DMXL1: variants seen among roughly 807,000 people sequenced by gnomAD.
DMXL1 encodes dmX-like protein 1.
Under a neutral mutation model 319.2 loss-of-function variants are expected in DMXL1, and 99 were observed. That is an observed-to-expected ratio of 0.31 (90% confidence interval 0.26 to 0.37). The LOEUF (loss-of-function observed/expected upper bound fraction) is 0.37, where lower values mean the gene tolerates loss of function less well. Ranked by LOEUF, DMXL1 falls within the 10% of genes least tolerant of loss-of-function variation. The probability of loss-of-function intolerance (pLI) is 1.00; values close to 1 mark genes in which losing one functional copy is unlikely to be tolerated. For missense variants in DMXL1, 3,745 were observed against 3,595.6 expected, an observed-to-expected ratio of 1.04 and a Z score of -1.06; for synonymous variants, 1,385 against 1,235.2, an observed-to-expected ratio of 1.12 and a Z score of -2.54.
intron 19 of DMXL1, among the ~76,000 whole-genome samples, chr5:119,164,096 GT>G (rs746909307): frequency 4.2e-4 from 61 of 146,144 alleles, no homozygotes; most frequent in Middle Eastern, 3.5e-3. Flanking sequence ...CTTGCTTGAT[GT>G]TTTTTTTTTT....
chr5:119,144,463 T>G, intron 14 of DMXL1, 73 bp from the exon 15 acceptor site: 1 of 1,090,432 alleles, frequency 9.2e-7, no homozygotes, highest in Non-Finnish European at 1.4e-6. Context: ...TTATGAAGTA[T>G]TATTTTTCTG....
chr5:119,197,941 C>G lies in DMXL1; in HGVS notation c.7730C>G (p.Thr2577Arg), dbSNP rs1274593013. The G allele has an allele frequency of 6.2e-7, 1 of 1,614,148 alleles. No homozygotes were observed. Among genetic ancestry groups the G allele is most frequent in the Admixed American group, 1.7e-5 (1 of 60,010 alleles). The stretch of plus-strand genomic sequence containing the variant: ...CGCCACAAAGCTTTACTGGAACCTA[C>G]AAACACTCCTTTCAAGTAGGTTTTC... ...ILRHKALLEP[T>R]NTPFKSKHHL... The change falls in exon 32 of 44, where the codon ACA (threonine) becomes AGA (arginine). Residue 2577 changes from threonine (T) to arginine (R), a missense_variant. Transcript: ENST00000539542.
At chr5:119,113,466 C>T (rs557546073) in intron 5 of DMXL1, among the ~76,000 whole-genome samples, 9 of 152,310 alleles carry the variant, frequency 5.9e-5, no homozygotes, top group African/African-American at 2.2e-4. Context: ...TGGTCTCGAA[C>T]TCCTGACCTT....
intron 13 of DMXL1, among the ~76,000 whole-genome samples, chr5:119,142,177 G>C (rs139732701): frequency 4.6e-5 from 7 of 152,128 alleles, no homozygotes; most frequent in African/African-American, 1.7e-4. Flanking sequence ...CAATCTAGGC[G>C]ATACCATTCT....
intron 9 of DMXL1, among the ~76,000 whole-genome samples, chr5:119,125,841 G>A (rs1215574887): frequency 1.3e-5 from 2 of 152,148 alleles, no homozygotes; most frequent in African/African-American, 4.8e-5. Flanking sequence ...TGGGAATACA[G>A]GCGTGAGCCA....
intron 13 of DMXL1, 69 bp from the exon 14 acceptor site, chr5:119,143,772 A>G: frequency 9.5e-7 from 1 of 1,053,424 alleles, no homozygotes; most frequent in Non-Finnish European, 1.4e-6. Context: ...TTATGCTTGA[A>G]ATTTTGTTAT....
rs970834804 is a variant in DMXL1, at chr5:119,248,820, G to A, written c.*1601G>A. 5.9e-5 allele frequency: 9 copies of A among 152,368 alleles called. No individual in the cohort carries two copies. Among genetic ancestry groups the A allele is most frequent in the Non-Finnish European group, 1.0e-4 (7 of 67,914 alleles). 9.4% of individuals were successfully genotyped at this position (152,368 alleles called of 1,614,324 possible). Reference sequence around the variant, plus strand: ...ACATAATAACCTGTACCTATAAATCGTGCAATAACCATATGCGACTATTTT... The same window carrying A: ...ACATAATAACCTGTACCTATAAATCATGCAATAACCATATGCGACTATTTT... On this transcript the variant is annotated 3_prime_UTR_variant, in exon 44 of 44. Transcript: ENST00000539542.
In DMXL1 at chr5:119,121,904, C is replaced by T. The variant is rs1165497695; in HGVS notation, c.1102+765C>T. ...CTCCTGGACGGGGCGGCTGGCCGGG[C>T]GGGGGGCTGACCCCCCCCACCTCCC... On this transcript the variant is annotated intron_variant, in intron 9 of 43. Coordinates refer to ENST00000539542, the MANE Select transcript of DMXL1 (RefSeq NM_001290321.3). Among the ~76,000 whole-genome samples, 87 of 141,716 alleles carry T rather than the reference C, an allele frequency of 6.1e-4. 2 individuals are homozygous for T. In the East Asian group the frequency reaches 0.017, roughly 27 times the overall value. 93.0% of individuals were successfully genotyped at this position (141,716 alleles called of 152,430 possible).
At chr5:119,160,743 A>T (rs1772097368) in intron 19 of DMXL1, among the ~76,000 whole-genome samples, 1 of 152,124 alleles carries the variant, frequency 6.6e-6, no homozygotes. Context: ...CTCTGGATGA[A>T]TTGACCCCTT....
chr5:119,182,019 A>G (rs989359151), intron 28 of DMXL1, among the ~76,000 whole-genome samples: 11 of 152,152 alleles, frequency 7.2e-5, no homozygotes, highest in African/African-American at 2.7e-4. Flanking sequence ...TTTTTAAGGC[A>G]TTATTATGTT....
rs1315203316 is a variant in DMXL1 at position 119,134,104 on chromosome 5, G to A, written c.2180G>A (p.Arg727Gln). 3.1e-6 allele frequency: 5 copies of A among 1,613,868 alleles called. No individual in the cohort carries two copies. The African/African-American group carries it at 4.0e-5, about 13-fold the overall frequency. The change falls in exon 12 of 44, where the codon CGG becomes CAG. Residue 727 changes from arginine (R) to glutamine (Q), a missense_variant. By Grantham distance (43) the Arg-to-Gln change is conservative. Coordinates refer to ENST00000539542, the MANE Select transcript of DMXL1 (RefSeq NM_001290321.3). ...SFSGGVSELA[R>Q]INSLHVSAFS... ...TCTGGAGGAGTTTCTGAGCTTGCCCGGATTAATTCTCTTCATGTTTCTGCC... is the reference window on the plus strand; with the variant it reads ...TCTGGAGGAGTTTCTGAGCTTGCCCAGATTAATTCTCTTCATGTTTCTGCC...
chr5:119,174,037 C>T (rs894969162), intron 25 of DMXL1, among the ~76,000 whole-genome samples: 2 of 151,792 alleles, frequency 1.3e-5, no homozygotes, highest in Non-Finnish European at 2.9e-5. Context: ...AAAGCAATGA[C>T]CCAGCTCAGT....
At chr5:119,112,778 G>T (rs534214106) in intron 5 of DMXL1, among the ~76,000 whole-genome samples, 2 of 152,080 alleles carry the variant, frequency 1.3e-5, no homozygotes, top group African/African-American at 4.8e-5. Context: ...CCACCATGGC[G>T]AAACCCCGTC....
At chr5:119,077,315 T>C (rs2149672584) in intron 1 of DMXL1, among the ~76,000 whole-genome samples, 1 of 152,330 alleles carries the variant, frequency 6.6e-6, no homozygotes. Context: ...ATCGACAGTT[T>C]ATTTGATAAG....
intron 6 of DMXL1, among the ~76,000 whole-genome samples, chr5:119,114,751 C>T (rs1481635470): frequency 6.6e-6 from 1 of 152,168 alleles, no homozygotes; most frequent in African/African-American, 2.4e-5. Flanking sequence ...TCACTGCAGC[C>T]TCTGCCTCCC....
intron 41 of DMXL1, among the ~76,000 whole-genome samples, chr5:119,239,299 T>C (rs1295416674): frequency 6.6e-6 from 1 of 152,194 alleles, no homozygotes; most frequent in Non-Finnish European, 1.5e-5. Context: ...TCTGCCTCTT[T>C]TGATTTCTGT....
At chr5:119,198,553 A>G (rs956568931) in intron 32 of DMXL1, among the ~76,000 whole-genome samples, 7 of 152,216 alleles carry the variant, frequency 4.6e-5, no homozygotes, top group Non-Finnish European at 8.8e-5. Flanking sequence ...TTATAGCACT[A>G]AACAACAAGC....
chr5:119,175,977 A>G (rs1221544463), intron 26 of DMXL1, among the ~76,000 whole-genome samples: 2 of 152,006 alleles, frequency 1.3e-5, no homozygotes, highest in Non-Finnish European at 2.9e-5. Context: ...TTAAACAGAT[A>G]TTGCAACTTC....
chr5:119,133,058 G>A, intron 10 of DMXL1, 74 bp from the exon 11 acceptor site: 4 of 1,535,458 alleles, frequency 2.6e-6, no homozygotes, highest in Non-Finnish European at 3.5e-6. Flanking sequence ...CAGCTATCCA[G>A]AAGCTCGGTA....
Sources: gnomAD v4.1 joint callset for allele counts (sites outside exome capture counted in the v4.1 genomes callset) on GRCh38, gnomAD v4.1.1 for gene constraint, MANE v1.5 for transcripts, NCBI Gene and HGNC (gene_info 2026-07-23, HGNC 2026-07-21) for gene names.